DMXL1: variants seen among roughly 807,000 people sequenced by gnomAD.
DMXL1 encodes the protein dmX-like protein 1.
Under a neutral mutation model 319.2 loss-of-function variants are expected in DMXL1, and 99 were observed. That is an observed-to-expected ratio of 0.31 (90% CI 0.26 to 0.37). The LOEUF (loss-of-function observed/expected upper bound fraction) is 0.37. Among genes scored for constraint, DMXL1 ranks in the 10% least tolerant of loss-of-function variants. The pLI, the probability that DMXL1 is intolerant of heterozygous loss-of-function variation, is 1.00. For missense variants in DMXL1, 3,745 were observed against 3,595.6 expected (o/e 1.04, Z -1.06); for synonymous variants, 1,385 against 1,235.2 (o/e 1.12, Z -2.54).
chr5:119,212,940 C>G (rs1783057764), intron 34 of DMXL1, among the ~76,000 whole-genome samples: 1 of 152,108 alleles, frequency 6.6e-6, no homozygotes, highest in Non-Finnish European at 1.5e-5. Context: ...TATCCCTGTT[C>G]TTCCTACTTG....
intron 13 of DMXL1, among the ~76,000 whole-genome samples, chr5:119,142,517 TAAAAAAAA>T (rs148846123): frequency 1.6e-5 from 1 of 62,310 alleles, no homozygotes; most frequent in Non-Finnish European, 3.7e-5. Flanking sequence ...TATTAAAAAG[TAAAAAAAA>T]AAAAAAAAAA....
intron 1 of DMXL1, among the ~76,000 whole-genome samples, chr5:119,077,308 G>GACAGTTT: frequency 6.6e-6 from 1 of 152,164 alleles, no homozygotes; most frequent in South Asian, 2.1e-4. Context: ...TGGTGACATC[G>GACAGTTT]ACAGTTTATT....
At position 119,184,708 on chromosome 5, in the gene DMXL1, A is replaced by C. The variant is rs938323935; in HGVS notation, c.7136-5000A>C. Among the ~76,000 whole-genome samples the C allele has an allele frequency of 2.0e-5, 3 of 152,142 alleles. No individual in the cohort carries two copies. In the East Asian group the frequency reaches 5.8e-4, roughly 29 times the overall value. ...GTTTCCAGGGATTTGATTACTTTAT[A>C]TACCTCATATAAGTGGAATTATATA... is the stretch of plus-strand genomic sequence containing the variant. On this transcript the variant is annotated intron_variant, in intron 28 of 43. Coordinates refer to ENST00000539542, the MANE Select transcript of DMXL1 (RefSeq NM_001290321.3).
intron 40 of DMXL1, among the ~76,000 whole-genome samples, chr5:119,238,054 G>T (rs191162503): frequency 3.5e-4 from 53 of 152,180 alleles, no homozygotes; most frequent in African/African-American, 1.2e-3. Flanking sequence ...AGCATGGGAG[G>T]ATTGATTAGG....
chr5:119,073,194 C>T (rs1432703456), intron 1 of DMXL1, among the ~76,000 whole-genome samples: 1 of 152,176 alleles, frequency 6.6e-6, no homozygotes, highest in Non-Finnish European at 1.5e-5. Context: ...TCCTGAGGAG[C>T]TAGGACTACA....
At chr5:119,127,813 C>G (rs1225314497) in intron 9 of DMXL1, 2 of 269,452 alleles carry the variant, frequency 7.4e-6, no homozygotes, top group South Asian at 4.0e-5. Flanking sequence ...ATTTTATGTT[C>G]TTAGATTTCT....
chr5:119,093,283 A>G (rs1039092942), intron 1 of DMXL1, among the ~76,000 whole-genome samples: 1 of 152,126 alleles, frequency 6.6e-6, no homozygotes, highest in Non-Finnish European at 1.5e-5. Context: ...TCCTGGGTTC[A>G]AATGAGCACG....
intron 17 of DMXL1, among the ~76,000 whole-genome samples, chr5:119,148,402 C>T (rs939444154): frequency 6.6e-6 from 1 of 152,074 alleles, no homozygotes; most frequent in Non-Finnish European, 1.5e-5. Flanking sequence ...CTGCCTATGC[C>T]TAAGTTGTTT....
At position 119,147,390 on chromosome 5, in the gene DMXL1, C is replaced by G. The variant is rs1350731279; in HGVS notation, c.2831C>G (p.Thr944Ser). The G allele has an allele frequency of 6.2e-7, 1 of 1,613,578 alleles. No homozygotes were observed. The highest frequency in any genetic ancestry group is 1.3e-5 in the African/African-American group (1 of 75,002). Residue 944 changes from threonine to serine, a missense_variant, in exon 17 of 44, where the codon ACT (threonine) becomes AGT (serine). This residue lies in a region of DMXL1 where 2,096 missense variants were observed against 1,985.4 expected (regional missense o/e 1.06). Transcript: ENST00000539542. ...AATCTCCAGAGTACCAGCAGGTTGA[C>G]TCTGTTTTCAGAAATGGTTTATAGC... ...RANLQSTSRLTLFSEMVYSQE... is the reference protein window; with the variant it reads ...RANLQSTSRLSLFSEMVYSQE...
intron 19 of DMXL1, among the ~76,000 whole-genome samples, chr5:119,154,404 CA>C (rs1581052532): frequency 6.6e-6 from 1 of 152,192 alleles, no homozygotes; most frequent in East Asian, 1.9e-4. Flanking sequence ...GATAAGAAAG[CA>C]AGGTAGCCTT....
chr5:119,240,432 TG>T lies in DMXL1; in HGVS notation c.8668del (p.Asp2890IlefsTer4). The T allele has an allele frequency of 6.2e-7, 1 of 1,604,930 alleles. No individual in the cohort carries two copies. The highest frequency in any genetic ancestry group is 8.5e-7 in the Non-Finnish European group (1 of 1,176,062). The stretch of plus-strand genomic sequence containing the variant: ...TTTTTTTTCCAGAAACGTATGTTTG[TG>T]GGATACTCTTGTAGCACCTGCCAAT... ...LSTDNRNVCL[W>X]DTLVAPANSL... On this transcript the variant is annotated frameshift_variant, in exon 42 of 44. Transcript: ENST00000539542. LOFTEE classifies it high-confidence loss of function.
intron 39 of DMXL1, 103 bp downstream of exon 39, chr5:119,233,570 A>G: frequency 1.1e-6 from 1 of 873,968 alleles, no homozygotes; most frequent in Non-Finnish European, 1.8e-6. Flanking sequence ...GGTAGTAGTA[A>G]AGTATTGATC....
At chr5:119,081,498 T>G (rs1398279147) in intron 1 of DMXL1, 1 of 881,382 alleles carries the variant, frequency 1.1e-6, no homozygotes, top group Admixed American at 6.2e-5. Flanking sequence ...GAACATACTT[T>G]GACTCAAACA....
intron 34 of DMXL1, among the ~76,000 whole-genome samples, chr5:119,212,975 A>C (rs1483583761): frequency 1.3e-5 from 2 of 152,030 alleles, no homozygotes; most frequent in Non-Finnish European, 2.9e-5. Flanking sequence ...AAACCTTCTT[A>C]AACCCAACTT....
intron 10 of DMXL1, among the ~76,000 whole-genome samples, chr5:119,132,400 G>A (rs1276260067): frequency 6.6e-6 from 1 of 152,176 alleles, no homozygotes; most frequent in Non-Finnish European, 1.5e-5. Flanking sequence ...ACATAACTTG[G>A]CCGGGCACAG....
chr5:119,118,742 A>G, intron 7 of DMXL1, 73 bp from the exon 8 acceptor site: 1 of 1,194,992 alleles, frequency 8.4e-7, no homozygotes, highest in Non-Finnish European at 1.2e-6. Context: ...AAGTAATTAC[A>G]GAAACATCGT....
At chr5:119,197,640 T>G (rs1281087522) in intron 31 of DMXL1, 115 bp from the exon 32 acceptor site, 1 of 945,246 alleles carries the variant, frequency 1.1e-6, no homozygotes, top group Non-Finnish European at 1.6e-6. Context: ...ATATTTCATC[T>G]CAGTCTTTTT....
intron 36 of DMXL1, among the ~76,000 whole-genome samples, 168 bp downstream of exon 36, chr5:119,220,761 G>A (rs1227856729): frequency 2.0e-5 from 3 of 152,230 alleles, no homozygotes; most frequent in African/African-American, 7.2e-5. Flanking sequence ...GGAACTGAGA[G>A]AAGAGTAAGT....
intron 9 of DMXL1, among the ~76,000 whole-genome samples, chr5:119,126,264 C>T (rs987016094): frequency 6.6e-6 from 1 of 152,070 alleles, no homozygotes; most frequent in African/African-American, 2.4e-5. Context: ...CCCTGGGCAG[C>T]AAGAGTGAAA....
Sources: gnomAD v4.1 joint callset for allele counts (sites outside exome capture counted in the v4.1 genomes callset) on GRCh38, gnomAD v4.1.1 for gene constraint, gnomAD v4.1.1 regional missense constraint, MANE v1.5 for transcripts, NCBI Gene and HGNC (gene_info 2026-07-23, HGNC 2026-07-21) for gene names.